ANKS1B: variants seen among roughly 807,000 people sequenced by gnomAD.
The protein encoded by ANKS1B is ankyrin repeat and sterile alpha motif domain containing 1B.
ANKS1B carries 36 observed loss-of-function variants against 148.3 expected under a neutral mutation model. That is an observed-to-expected ratio of 0.24 (90% confidence interval 0.19 to 0.32). The LOEUF is 0.32. ANKS1B is among the 10% of genes least tolerant of loss of function. The probability of loss-of-function intolerance (pLI) is 1.00; values close to 1 mark genes in which losing one functional copy is unlikely to be tolerated. For synonymous variants in ANKS1B, 542 were observed against 560.8 expected (o/e 0.97, Z 0.47); for missense variants, 1,157 against 1,542.6 (o/e 0.75, Z 4.19).
chr12:98,786,778 C>T lies in ANKS1B; in HGVS notation c.3343-4641G>A, dbSNP rs76755570. ...ATGTTCCGAGTAAGAATCATTAGTG[C>T]CCCATCATCAGCACAGACAGGGAAA... is the stretch of plus-strand genomic sequence containing the variant. On this transcript the variant is annotated intron_variant, in intron 22 of 26. Coordinates refer to ENST00000683438, the MANE Select transcript of ANKS1B (RefSeq NM_001352186.2). Among the ~76,000 whole-genome samples, 7 of 152,270 alleles carry T rather than the reference C, an allele frequency of 4.6e-5. No individual in the cohort carries two copies. In the East Asian group the frequency reaches 1.4e-3, roughly 29 times the overall value.
chr12:98,971,968 G>A (rs1225975198), intron 17 of ANKS1B, among the ~76,000 whole-genome samples: 1 of 152,150 alleles, frequency 6.6e-6, no homozygotes, highest in Non-Finnish European at 1.5e-5. Flanking sequence ...AGGAGTTCAA[G>A]ACTAGCCTGG....
chr12:99,168,107 T>G lies in ANKS1B; in HGVS notation c.2420-13712A>C, dbSNP rs567938880. Among the ~76,000 whole-genome samples the G allele has an allele frequency of 2.6e-5, 4 of 152,344 alleles. No homozygotes were observed. In the East Asian group the frequency reaches 7.7e-4, roughly 29 times the overall value. ...CTTTTGGGGCTGATGAATATATTCC[T>G]TTTCTTGATTGTGGTGATGGTTTCA... is the stretch of plus-strand genomic sequence containing the variant. On this transcript the variant is annotated intron_variant, in intron 14 of 26. Transcript: ENST00000683438.
chr12:99,901,394 T>C (rs2153770425), intron 1 of ANKS1B, among the ~76,000 whole-genome samples: 1 of 152,328 alleles, frequency 6.6e-6, no homozygotes, highest in East Asian at 1.9e-4. Context: ...TCGTTTCAAA[T>C]TTAATATGCC....
intron 22 of ANKS1B, 59 bp from the exon 23 acceptor site, chr12:98,782,196 G>A (rs776958020): frequency 7.1e-7 from 1 of 1,416,592 alleles, no homozygotes; most frequent in Non-Finnish European, 9.8e-7. Flanking sequence ...ACATATAAAA[G>A]GTGAGAGAGA....
At chr12:99,857,609 A>C (rs2089367696) in intron 1 of ANKS1B, among the ~76,000 whole-genome samples, 1 of 152,182 alleles carries the variant, frequency 6.6e-6, no homozygotes, top group Admixed American at 6.5e-5. Flanking sequence ...ACATACCTGG[A>C]GGCATCACAT....
At chr12:99,406,018 T>C (rs941553297) in intron 11 of ANKS1B, among the ~76,000 whole-genome samples, 2 of 145,370 alleles carry the variant, frequency 1.4e-5, no homozygotes, top group Admixed American at 1.4e-4. Context: ...CCCAGATATA[T>C]AAAGCAAATA....
intron 9 of ANKS1B, among the ~76,000 whole-genome samples, chr12:99,627,127 T>C (rs2098118320): frequency 6.6e-6 from 1 of 152,204 alleles, no homozygotes. Context: ...TTGAAGTTGA[T>C]TTGAAATAAA....
At chr12:99,249,481 T>G (rs2074291475) in intron 12 of ANKS1B, among the ~76,000 whole-genome samples, 1 of 152,224 alleles carries the variant, frequency 6.6e-6, no homozygotes, top group South Asian at 2.1e-4. Context: ...TGTTAGCTTA[T>G]AAAGCTTAGT....
chr12:99,895,099 T>C (rs1030721360), intron 1 of ANKS1B, among the ~76,000 whole-genome samples: 3 of 151,054 alleles, frequency 2.0e-5, no homozygotes, highest in Non-Finnish European at 4.4e-5. Context: ...TGCATGTTTC[T>C]TGGCAAACAT....
At chr12:99,606,725 T>G (rs2097854135) in intron 9 of ANKS1B, among the ~76,000 whole-genome samples, 1 of 152,146 alleles carries the variant, frequency 6.6e-6, no homozygotes, top group Admixed American at 6.5e-5. Context: ...TATGACAAGT[T>G]CATTTATAAA....
chr12:99,396,692 T>C (rs972679253), intron 12 of ANKS1B, among the ~76,000 whole-genome samples: 1 of 152,096 alleles, frequency 6.6e-6, no homozygotes, highest in Non-Finnish European at 1.5e-5. Flanking sequence ...AGTTTCAGAG[T>C]GGAGAAAAGG....
chr12:99,375,906 A>G (rs1464705419), intron 12 of ANKS1B, among the ~76,000 whole-genome samples: 1 of 152,200 alleles, frequency 6.6e-6, no homozygotes, highest in African/African-American at 2.4e-5. Flanking sequence ...CTCTAAATCC[A>G]TAGATGTTAG....
intron 15 of ANKS1B, among the ~76,000 whole-genome samples, chr12:99,126,492 AG>A (rs2064386816): frequency 6.7e-6 from 1 of 149,722 alleles, no homozygotes; most frequent in Non-Finnish European, 1.5e-5. Flanking sequence ...GAAATAATAG[AG>A]TCTCCCCCTC....
chr12:98,769,811 A>G (rs1031810742), intron 25 of ANKS1B, among the ~76,000 whole-genome samples: 1 of 152,218 alleles, frequency 6.6e-6, no homozygotes, highest in Non-Finnish European at 1.5e-5. Context: ...TACTTAGGAA[A>G]AAGGTGGCGT....
At chr12:99,210,640 T>C (rs982166265) in intron 14 of ANKS1B, among the ~76,000 whole-genome samples, 1 of 152,218 alleles carries the variant, frequency 6.6e-6, no homozygotes, top group African/African-American at 2.4e-5. Context: ...CACTTCTTAT[T>C]GCACATGTAT....
intron 12 of ANKS1B, among the ~76,000 whole-genome samples, chr12:99,376,343 G>C (rs1339051199): frequency 6.6e-6 from 1 of 152,184 alleles, no homozygotes; most frequent in Non-Finnish European, 1.5e-5. Context: ...ACACTCAGGT[G>C]AGCATAGCTG....
chr12:99,916,945 C>T (rs1706126040), intron 1 of ANKS1B, among the ~76,000 whole-genome samples: 1 of 152,202 alleles, frequency 6.6e-6, no homozygotes. Flanking sequence ...GCTGTAATAA[C>T]TGTAGTTTTA....
At chr12:98,884,879 C>T (rs1184339310) in intron 17 of ANKS1B, among the ~76,000 whole-genome samples, 1 of 151,138 alleles carries the variant, frequency 6.6e-6, no homozygotes, top group Non-Finnish European at 1.5e-5. Flanking sequence ...CCTGATCTTT[C>T]CCCTGAGTTC....
chr12:99,766,436 A>C (rs2062652596), intron 8 of ANKS1B, among the ~76,000 whole-genome samples: 1 of 152,140 alleles, frequency 6.6e-6, no homozygotes, highest in African/African-American at 2.4e-5. Context: ...CTAAGGTTAC[A>C]AAAAGTTCTT....
Sources: allele counts gnomAD v4.1 joint callset (sites outside exome capture counted in the v4.1 genomes callset), GRCh38; gene constraint gnomAD v4.1.1; transcripts MANE v1.5; gene names NCBI Gene and HGNC (gene_info 2026-07-23, HGNC 2026-07-21).